Variants in PREX1 observed in about 807,000 individuals in gnomAD.
PREX1 encodes the protein phosphatidylinositol 3,4,5-trisphosphate-dependent Rac exchanger 1 protein.
A neutral mutation model predicts 198.3 loss-of-function variants in PREX1; 41 were observed. That is an observed-to-expected ratio of 0.21 (90% CI 0.16 to 0.27). PREX1 has a LOEUF of 0.27. Among genes scored for constraint, PREX1 ranks in the 10% least tolerant of loss-of-function variants. The probability of loss-of-function intolerance (pLI) is 1.00; values close to 1 mark genes in which losing one functional copy is unlikely to be tolerated. For missense variants in PREX1, 1,620 were observed against 2,200.7 expected (o/e 0.74, Z 5.28); for synonymous variants, 843 against 887.2 (o/e 0.95, Z 0.89).
Position 48,684,940 on chromosome 20 carries a change from G to A in PREX1, c.1335-3605C>T, listed in dbSNP as rs2089775537. On this transcript the variant is annotated intron_variant, in intron 10 of 39. Coordinates refer to ENST00000371941, the MANE Select transcript of PREX1 (RefSeq NM_020820.4). The surrounding 1 kb of genome is among the most constrained non-coding windows in gnomAD (Gnocchi z 4.2). ...CCACACCCTCTCATGGCTGGCTCTT[G>A]CTTGTCTTTCAGATCGTGGTTAAAT... 6.6e-6 allele frequency among the ~76,000 whole-genome samples: 1 copy of A among 152,198 alleles called. No individual in the cohort carries two copies.
chr20:48,824,960 G>A (rs548585182), intron 1 of PREX1, among the ~76,000 whole-genome samples: 80 of 152,264 alleles, frequency 5.3e-4, no homozygotes, highest in African/African-American at 1.9e-3. Flanking sequence ...TAAAAGCAGG[G>A]AGGGATTACC....
chr20:48,783,092 T>C (rs573376653), intron 1 of PREX1, among the ~76,000 whole-genome samples: 1 of 152,204 alleles, frequency 6.6e-6, no homozygotes, highest in South Asian at 2.1e-4. Context: ...AGACTTCACC[T>C]CTCCGAACTT....
In PREX1 at chr20:48,632,654, G is replaced by A. The variant is rs1214158390; in HGVS notation, c.4268-15C>T. On this transcript the variant is annotated splice_polypyrimidine_tract_variant and intron_variant, in intron 33 of 39. Coordinates refer to ENST00000371941, the MANE Select transcript of PREX1 (RefSeq NM_020820.4). ...GACGTTGGTGTCTGCGGAAGGATAT[G>A]GGGCAGGATGACTCACCACCGAGGC... 8 of 1,612,860 alleles carry A rather than the reference G, an allele frequency of 5.0e-6. No individual in the cohort carries two copies. The highest frequency in any genetic ancestry group is 2.2e-5 in the East Asian group (1 of 44,834).
At chr20:48,847,384 A>C in the PREX1 span, among the ~76,000 whole-genome samples, 3 of 146,552 alleles carry the variant, frequency 2.0e-5, no homozygotes, top group African/African-American at 7.6e-5. Context: ...AAAAAAAAAA[A>C]CAAACCCTCC....
At chr20:48,692,576 GATA>G in intron 8 of PREX1, 93 bp downstream of exon 8, 1 of 1,046,730 alleles carries the variant, frequency 9.6e-7, no homozygotes, top group Non-Finnish European at 1.4e-6. Flanking sequence ...TACATCTCAT[GATA>G]AAAGAAAAAA....
At chr20:48,754,403 C>A (rs2090147737) in intron 1 of PREX1, among the ~76,000 whole-genome samples, 1 of 152,178 alleles carries the variant, frequency 6.6e-6, no homozygotes, top group African/African-American at 2.4e-5. Flanking sequence ...GGACAATGAA[C>A]CGCATCAGCC....
intron 3 of PREX1, among the ~76,000 whole-genome samples, chr20:48,740,947 A>G (rs2090078790): frequency 6.6e-6 from 1 of 151,684 alleles, no homozygotes; most frequent in South Asian, 2.1e-4. Context: ...CTCATTTTCT[A>G]TTTTCAATGA....
At chr20:48,717,259 G>A (rs2089966346) in intron 5 of PREX1, among the ~76,000 whole-genome samples, 1 of 152,086 alleles carries the variant, frequency 6.6e-6, no homozygotes, top group Non-Finnish European at 1.5e-5. Flanking sequence ...CACCAACAGG[G>A]TCTGGGTCAA....
chr20:48,776,987 A>G (rs752949710), intron 1 of PREX1, among the ~76,000 whole-genome samples: 4 of 152,288 alleles, frequency 2.6e-5, no homozygotes, highest in South Asian at 4.1e-4. Flanking sequence ...GCGATGTGCG[A>G]AAGGTCCGAG....
At chr20:48,742,725 T>TCCCCAGCC (rs2122757065) in intron 3 of PREX1, among the ~76,000 whole-genome samples, 1 of 152,078 alleles carries the variant, frequency 6.6e-6, no homozygotes, top group African/African-American at 2.4e-5. Flanking sequence ...GAACTCCCCG[T>TCCCCAGCC]CCCCAGCCCC....
intron 39 of PREX1, 92 bp from the exon 40 acceptor site, chr20:48,626,019 G>C: frequency 7.5e-7 from 1 of 1,335,712 alleles, no homozygotes; most frequent in Non-Finnish European, 1.0e-6. Flanking sequence ...TGTAATTCAT[G>C]CCCAGAAACC....
intron 29 of PREX1, among the ~76,000 whole-genome samples, chr20:48,640,879 A>G (rs2089404426): frequency 1.2e-4 from 1 of 8,374 alleles, no homozygotes; most frequent in Admixed American, 1.5e-3. Context: ...AGATGGATGG[A>G]TGGGTGGGTG....
At chr20:48,855,887 C>T in the PREX1 span, among the ~76,000 whole-genome samples, 4,099 of 152,128 alleles carry the variant, frequency 0.027, 209 homozygotes, top group African/African-American at 0.094. Context: ...GGCGATAGAG[C>T]GAGAGACTCT....
intron 1 of PREX1, among the ~76,000 whole-genome samples, chr20:48,796,238 G>C (rs1430536827): frequency 6.6e-6 from 1 of 151,296 alleles, no homozygotes; most frequent in Admixed American, 6.6e-5. Flanking sequence ...GTCCCACCAT[G>C]ATTTGTAATG....
At chr20:48,790,803 G>A (rs913954764) in intron 1 of PREX1, among the ~76,000 whole-genome samples, 46 of 152,152 alleles carry the variant, frequency 3.0e-4, no homozygotes, top group African/African-American at 1.0e-3. Flanking sequence ...CAAGCTGTGG[G>A]TTGCACCCAA....
chr20:48,881,587 A>G, the PREX1 span, among the ~76,000 whole-genome samples: 187 of 152,072 alleles, frequency 1.2e-3, 8 homozygotes, highest in East Asian at 0.029. Context: ...TCCGGGTTCA[A>G]GGGATTCTCC....
intron 31 of PREX1, among the ~76,000 whole-genome samples, chr20:48,637,249 G>A (rs892647453): frequency 9.2e-5 from 14 of 152,198 alleles, no homozygotes; most frequent in South Asian, 4.1e-4. Context: ...TCCAATGGCC[G>A]GCTTCTGGCC....
At chr20:48,836,854 G>A in the PREX1 span, among the ~76,000 whole-genome samples, 1 of 130,960 alleles carries the variant, frequency 7.6e-6, no homozygotes, top group South Asian at 2.4e-4. Context: ...GGTGGAGCGA[G>A]ATCGCACCAC....
chr20:48,628,963 G>A (rs936468051), intron 37 of PREX1, among the ~76,000 whole-genome samples: 1 of 152,134 alleles, frequency 6.6e-6, no homozygotes, highest in Non-Finnish European at 1.5e-5. Context: ...GAGTGGGGGT[G>A]AGGGCTGCAG....
Sources: gnomAD v4.1 joint callset for allele counts (sites outside exome capture counted in the v4.1 genomes callset) on GRCh38, gnomAD v4.1.1 for gene constraint, Gnocchi (gnomAD v3.1) non-coding constraint, MANE v1.5 for transcripts, NCBI Gene and HGNC (gene_info 2026-07-23, HGNC 2026-07-21) for gene names.